The following SLIT2 variants were observed in gnomAD, a reference collection of about 807,000 sequenced individuals.
The protein encoded by SLIT2 is slit homolog 2 protein.
A neutral mutation model predicts 185.7 loss-of-function variants in SLIT2; 41 were observed. The observed-to-expected ratio is 0.22, with a 90% CI of 0.17 to 0.29. The LOEUF is 0.29. Among genes scored for constraint, SLIT2 ranks in the 10% least tolerant of loss-of-function variants. SLIT2 has a pLI of 1.00. For synonymous variants in SLIT2, 693 were observed against 680.2 expected, an observed-to-expected ratio of 1.02 and a Z score of -0.29; for missense variants, 1,571 against 1,909.0, an observed-to-expected ratio of 0.82 and a Z score of 3.30.
At position 20,415,985 on chromosome 4, in the gene SLIT2, G is replaced by A. The variant is rs142999895; in HGVS notation, c.396-51767G>A. Among the ~76,000 whole-genome samples, 1,450 of 152,274 alleles carry A rather than the reference G, an allele frequency of 9.5e-3. 21 individuals carry two copies. The highest frequency in any genetic ancestry group is 0.081 in the East Asian group (417 of 5,180). On this transcript the variant is annotated intron_variant, in intron 4 of 36. Coordinates refer to ENST00000504154, the MANE Select transcript of SLIT2 (RefSeq NM_004787.4). ...TAGATACTCAGTTAGTGATGACACA[G>A]TATTAGAATCAACCAATTTTACAAT...
Position 20,480,698 on chromosome 4 carries a change from T to C in SLIT2, c.468-18T>C. ...CTGTCCATCCCTTCTACATATATTC[T>C]TCTAATCTTTTTAACAGGCAACTGG... is the stretch of plus-strand genomic sequence containing the variant. On this transcript the variant is annotated intron_variant, in intron 5 of 36. Coordinates refer to ENST00000504154, the MANE Select transcript of SLIT2 (RefSeq NM_004787.4). The C allele has an allele frequency of 6.2e-7, 1 of 1,601,512 alleles. No homozygotes were observed. The highest frequency in any genetic ancestry group is 8.6e-7 in the Non-Finnish European group (1 of 1,168,594).
chr4:20,453,787 A>C (rs748063782), intron 4 of SLIT2, among the ~76,000 whole-genome samples: 1 of 152,212 alleles, frequency 6.6e-6, no homozygotes, highest in Non-Finnish European at 1.5e-5. Context: ...CACTTATTCT[A>C]TGCTGAGCAC....
chr4:20,300,543 A>T (rs1716939154), intron 4 of SLIT2, among the ~76,000 whole-genome samples: 1 of 152,094 alleles, frequency 6.6e-6, no homozygotes, highest in African/African-American at 2.4e-5. Context: ...TATATATCCT[A>T]AGATATAATA....
At chr4:20,555,608 A>G (rs1009449093) in intron 26 of SLIT2, among the ~76,000 whole-genome samples, 3 of 152,132 alleles carry the variant, frequency 2.0e-5, no homozygotes, top group Non-Finnish European at 4.4e-5. Context: ...AGGACACTTC[A>G]TGGTTTATTA....
intron 4 of SLIT2, among the ~76,000 whole-genome samples, chr4:20,333,113 G>T (rs879095444): frequency 6.6e-6 from 1 of 151,988 alleles, no homozygotes; most frequent in African/African-American, 2.4e-5. Flanking sequence ...TTATTTGCAA[G>T]AAAAAGTAGC....
intron 4 of SLIT2, among the ~76,000 whole-genome samples, chr4:20,433,853 G>A (rs1464285120): frequency 6.6e-6 from 1 of 152,110 alleles, no homozygotes; most frequent in East Asian, 1.9e-4. Flanking sequence ...TACTGTGAGT[G>A]ATACATACGT....
intron 4 of SLIT2, among the ~76,000 whole-genome samples, chr4:20,338,979 G>A (rs1056306085): frequency 6.6e-6 from 1 of 150,608 alleles, no homozygotes; most frequent in East Asian, 2.0e-4. Context: ...TGTAGTCCTA[G>A]CTGCTTGGAA....
At chr4:20,546,300 G>T (rs1425129218) in intron 22 of SLIT2, among the ~76,000 whole-genome samples, 1 of 152,040 alleles carries the variant, frequency 6.6e-6, no homozygotes, top group African/African-American at 2.4e-5. Flanking sequence ...TTAGCAAGAG[G>T]TCCTCCTCTA....
intron 4 of SLIT2, among the ~76,000 whole-genome samples, chr4:20,426,173 C>T (rs751195843): frequency 1.3e-4 from 20 of 152,308 alleles, no homozygotes; most frequent in Non-Finnish European, 2.8e-4. Flanking sequence ...TTAACCAACA[C>T]ATGCTTGAAT....
rs547892495 is a variant in SLIT2, at chr4:20,287,677, G to A, written c.395+18796G>A. The stretch of plus-strand genomic sequence containing the variant: ...TTGTGCCTAGAAGCATCTCTCCATT[G>A]TCTCCATAGTTTTATGTAAAAATGA... On this transcript the variant is annotated intron_variant, in intron 4 of 36. Transcript: ENST00000504154. 9.8e-4 allele frequency among the ~76,000 whole-genome samples: 149 copies of A among 152,176 alleles called. 2 individuals are homozygous for A. The highest frequency in any genetic ancestry group is 3.5e-3 in the African/African-American group (144 of 41,516).
At chr4:20,578,603 T>C (rs1002770366) in intron 29 of SLIT2, among the ~76,000 whole-genome samples, 1 of 152,198 alleles carries the variant, frequency 6.6e-6, no homozygotes, top group Non-Finnish European at 1.5e-5. Flanking sequence ...ATCTATGATA[T>C]CCAGAATGGA....
intron 21 of SLIT2, among the ~76,000 whole-genome samples, chr4:20,544,907 A>G (rs1382289673): frequency 6.6e-6 from 1 of 152,076 alleles, no homozygotes; most frequent in African/African-American, 2.4e-5. Flanking sequence ...ACTTAGGTAG[A>G]GGAAAGAAAA....
chr4:20,370,422 A>T (rs1035476098), intron 4 of SLIT2, among the ~76,000 whole-genome samples: 1 of 152,146 alleles, frequency 6.6e-6, no homozygotes, highest in Admixed American at 6.6e-5. Context: ...AAGGAGAAAC[A>T]TCTGGTGCTT....
chr4:20,300,548 A>G (rs1351566531), intron 4 of SLIT2, among the ~76,000 whole-genome samples: 1 of 152,120 alleles, frequency 6.6e-6, no homozygotes, highest in Non-Finnish European at 1.5e-5. Context: ...ATCCTAAGAT[A>G]TAATATATGA....
chr4:20,394,173 G>T (rs1184346475), intron 4 of SLIT2, among the ~76,000 whole-genome samples: 1 of 151,616 alleles, frequency 6.6e-6, no homozygotes, highest in East Asian at 1.9e-4. Context: ...ATTAAAATCA[G>T]GCAGGTAAAA....
At chr4:20,592,514 A>C (rs576766234) in intron 30 of SLIT2, among the ~76,000 whole-genome samples, 3 of 152,314 alleles carry the variant, frequency 2.0e-5, no homozygotes, top group Admixed American at 2.0e-4. Context: ...AAAGACAAAA[A>C]TGTTGGACAT....
At chr4:20,593,661 T>A (rs1311221092) in intron 30 of SLIT2, among the ~76,000 whole-genome samples, 1 of 151,924 alleles carries the variant, frequency 6.6e-6, no homozygotes, top group East Asian at 1.9e-4. Flanking sequence ...CTATGGGAGG[T>A]GATGGATATG....
intron 4 of SLIT2, among the ~76,000 whole-genome samples, chr4:20,463,311 C>T (rs1218785339): frequency 6.6e-6 from 1 of 151,560 alleles, no homozygotes; most frequent in Admixed American, 6.6e-5. Flanking sequence ...CATAAGATCT[C>T]ATTTGATTTG....
chr4:20,472,565 T>TATATATATAG (rs1715574140), intron 5 of SLIT2, among the ~76,000 whole-genome samples: 2 of 6,500 alleles, frequency 3.1e-4, no homozygotes, highest in African/African-American at 2.5e-3. Context: ...GATATATATC[T>TATATATATAG]ATATATAGAT....
Sources: gnomAD v4.1 joint callset for allele counts (sites outside exome capture counted in the v4.1 genomes callset) on GRCh38, gnomAD v4.1.1 for gene constraint, MANE v1.5 for transcripts, NCBI Gene and HGNC (gene_info 2026-07-23, HGNC 2026-07-21) for gene names.